The following DPYSL4 variants were observed in gnomAD, a reference collection of about 807,000 sequenced individuals.
DPYSL4 encodes the protein dihydropyrimidinase like 4.
A neutral mutation model predicts 63.4 loss-of-function variants in DPYSL4; 43 were observed. That is an observed-to-expected ratio of 0.68 (90% CI 0.53 to 0.88). DPYSL4 has a LOEUF of 0.88. Among genes scored for constraint, DPYSL4 ranks in the 40% least tolerant of loss-of-function variants. DPYSL4 has a pLI of 0.00. For synonymous variants in DPYSL4, 353 were observed against 331.7 expected, an observed-to-expected ratio of 1.06 and a Z score of -0.70; for missense variants, 733 against 819.5, an observed-to-expected ratio of 0.89 and a Z score of 1.29.
intron 8 of DPYSL4, among the ~76,000 whole-genome samples, chr10:132,200,075 T>C (rs1273818943): frequency 3.3e-5 from 5 of 152,082 alleles, no homozygotes; most frequent in Admixed American, 2.6e-4. Flanking sequence ...CTGGCCCCGC[T>C]GGAGTGCCCG....
intron 8 of DPYSL4, among the ~76,000 whole-genome samples, chr10:132,199,303 G>GC (rs2061982641): frequency 6.6e-6 from 1 of 152,286 alleles, no homozygotes; most frequent in African/African-American, 2.4e-5. Context: ...CAACAAGGAG[G>GC]CCCTCCCTAC....
chr10:132,201,298 G>A (rs759761018), intron 10 of DPYSL4, among the ~76,000 whole-genome samples: 10 of 152,044 alleles, frequency 6.6e-5, no homozygotes, highest in South Asian at 2.1e-4. Flanking sequence ...GCTCCCCCGC[G>A]ATGCCCTCAC....
chr10:132,189,056 CAATTG>C (rs1047850758), intron 1 of DPYSL4, among the ~76,000 whole-genome samples: 2 of 152,208 alleles, frequency 1.3e-5, no homozygotes, highest in African/African-American at 4.8e-5. Context: ...AGAGTTTTAC[CAATTG>C]TGCACTTCAG....
chr10:132,199,104 G>A, intron 8 of DPYSL4, 133 bp downstream of exon 8: 4 of 1,346,448 alleles, frequency 3.0e-6, no homozygotes, highest in South Asian at 1.5e-5. Flanking sequence ...CTGCATCGGG[G>A]TGGGGCACTG....
chr10:132,193,376 G>C (rs562230606), intron 3 of DPYSL4, among the ~76,000 whole-genome samples: 11 of 152,196 alleles, frequency 7.2e-5, no homozygotes, highest in African/African-American at 2.7e-4. Context: ...TGCCCGGCAC[G>C]GGCTCTATCC....
At chr10:132,191,240 C>A (rs113693120) in intron 2 of DPYSL4, among the ~76,000 whole-genome samples, 14 of 64,512 alleles carry the variant, frequency 2.2e-4, no homozygotes, top group Admixed American at 3.9e-4. Flanking sequence ...CAGGCAGGTG[C>A]AAATAGTTCC....
chr10:132,202,832 C>T lies in DPYSL4; in HGVS notation c.1461+7C>T, dbSNP rs755064199. 33 of 1,581,104 alleles carry T rather than the reference C, an allele frequency of 2.1e-5. No homozygotes were observed. Among genetic ancestry groups the T allele is most frequent in the Middle Eastern group, 1.7e-4 (1 of 5,910 alleles). ...GATCAAAGCTCGCAACAGGGTAGGG[C>T]GGCACCCGCAAGGGTGTTGTGCAGG... On this transcript the variant is annotated splice_region_variant and intron_variant, in intron 12 of 13. Transcript: ENST00000338492.
At position 132,192,983 on chromosome 10, in the gene DPYSL4, C is replaced by G. The variant is rs534920456; in HGVS notation, c.313+141C>G. 4.7e-4 allele frequency: 402 copies of G among 849,396 alleles called. 4 individuals are homozygous for G. The highest frequency in any genetic ancestry group is 3.2e-3 in the Middle Eastern group (9 of 2,782). 52.6% of individuals were successfully genotyped at this position (849,396 alleles called of 1,614,324 possible). A position where few individuals can be genotyped will look rare whatever the true frequency, so the allele number is the denominator to read the frequency against. ...GCCTTTATTGCATCTGTCTGAGAAC[C>G]TGGAGTGCTTTTCTAATCCCTGTGT... On this transcript the variant is annotated intron_variant, in intron 3 of 13. Transcript: ENST00000338492.
rs1224791587 is a variant in DPYSL4 at position 132,186,979 on chromosome 10, G to A, written c.-85G>A. ...TGTCTCCCGCCGTCCCCACGCACGC[G>A]TCCCGGCTCACGCGTCCCCCCGCCC... On this transcript the variant is annotated 5_prime_UTR_variant, in exon 1 of 14. Coordinates refer to ENST00000338492, the MANE Select transcript of DPYSL4 (RefSeq NM_006426.3). 4 of 634,926 alleles carry A rather than the reference G, an allele frequency of 6.3e-6. No homozygotes were observed. Among genetic ancestry groups the A allele is most frequent in the Non-Finnish European group, 9.7e-6 (4 of 414,126 alleles). The allele number at this position is 634,926 out of a possible 1,614,324, so 39.3% of individuals were successfully genotyped here.
At chr10:132,190,965 GAAAGTATGTTCC>G (rs2061866626) in intron 2 of DPYSL4, 130 bp downstream of exon 2, 2 of 808,688 alleles carry the variant, frequency 2.5e-6, no homozygotes, top group Non-Finnish European at 3.8e-6. Flanking sequence ...CCAGGCAGGT[GAAAGTATGTTCC>G]CAGCTCGTGT....
intron 2 of DPYSL4, among the ~76,000 whole-genome samples, chr10:132,191,407 A>G (rs1441263577): frequency 5.0e-4 from 45 of 90,890 alleles, no homozygotes; most frequent in Admixed American, 7.8e-4. Context: ...GCAGGTGCAA[A>G]TAGTTCCCAG....
Position 132,203,778 on chromosome 10 carries a change from G to C in DPYSL4, c.1478G>C (p.Gly493Ala). ...KARNRLAEIH[G>A]VPRGLYDGPV... is the part of the protein sequence containing the mutation. The stretch of plus-strand genomic sequence containing the variant: ...CCCCGGCAGCTGGCGGAGATCCACG[G>C]TGTGCCCCGTGGACTGTATGACGGG... Residue 493 changes from glycine (G) to alanine (A), a missense_variant, in exon 13 of 14, where the codon GGT becomes GCT. Physicochemically the swap from Gly to Ala is moderately conservative, Grantham distance 60 (BLOSUM62 0). Transcript: ENST00000338492. 2 of 1,608,272 alleles carry C rather than the reference G, an allele frequency of 1.2e-6. No homozygotes were observed. The highest frequency in any genetic ancestry group is 1.7e-6 in the Non-Finnish European group (2 of 1,176,608).
Position 132,187,033 on chromosome 10 carries a change from G to A in DPYSL4, c.-31G>A. The A allele has an allele frequency of 5.8e-6, 2 of 342,548 alleles. No homozygotes were observed. The highest frequency in any genetic ancestry group is 6.4e-5 in the South Asian group (1 of 15,670). The allele number at this position is 342,548 out of a possible 1,614,324, so 21.2% of individuals were successfully genotyped here. A position where few individuals can be genotyped will look rare whatever the true frequency, so the allele number is the denominator to read the frequency against. ...CGCCCGCCCGCCCGCCCCCGCTTGT[G>A]CCGCCCCTACCAGAGACCCCCAGGA... On this transcript the variant is annotated 5_prime_UTR_variant, in exon 1 of 14. Coordinates refer to ENST00000338492, the MANE Select transcript of DPYSL4 (RefSeq NM_006426.3).
intron 12 of DPYSL4, among the ~76,000 whole-genome samples, chr10:132,203,101 C>T (rs575781459): frequency 3.2e-4 from 48 of 152,330 alleles, no homozygotes; most frequent in African/African-American, 8.9e-4. Flanking sequence ...AAGTCATCCA[C>T]GGTTGTTAGA....
chr10:132,204,575 C>T (rs1275403491), intron 13 of DPYSL4, among the ~76,000 whole-genome samples: 2 of 152,128 alleles, frequency 1.3e-5, no homozygotes, highest in Non-Finnish European at 2.9e-5. Context: ...GGCCCGGGTT[C>T]CTCTCGGGAC....
At chr10:132,198,515 G>T in intron 7 of DPYSL4, 32 bp downstream of exon 7, 1 of 1,566,778 alleles carries the variant, frequency 6.4e-7, no homozygotes. Context: ...GCACACCCGA[G>T]CCAACTCCGC....
chr10:132,188,618 G>A (rs66523819), intron 1 of DPYSL4, among the ~76,000 whole-genome samples: 42,214 of 152,130 alleles, frequency 0.28, 6,497 homozygotes, highest in East Asian at 0.75. Context: ...TAGACCAAGG[G>A]TCTAAAACTT....
intron 6 of DPYSL4, among the ~76,000 whole-genome samples, chr10:132,197,438 C>T (rs1032185060): frequency 6.6e-6 from 1 of 152,254 alleles, no homozygotes; most frequent in Non-Finnish European, 1.5e-5. Context: ...TGGGTTACCA[C>T]CTTCCTTCCA....
At chr10:132,196,764 C>A in intron 4 of DPYSL4, 97 bp from the exon 5 acceptor site, 1 of 1,418,054 alleles carries the variant, frequency 7.1e-7, no homozygotes, top group Admixed American at 1.7e-5. Context: ...GGGGAGGGGC[C>A]CAAGACCCCC....
Sources: gnomAD v4.1 joint callset for allele counts (sites outside exome capture counted in the v4.1 genomes callset) on GRCh38, gnomAD v4.1.1 for gene constraint, MANE v1.5 for transcripts, NCBI Gene and HGNC (gene_info 2026-07-23, HGNC 2026-07-21) for gene names.